Variants in TRIP6 observed in about 807,000 individuals in gnomAD.
The protein encoded by TRIP6 is thyroid hormone receptor interactor 6, also known as thyroid receptor-interacting protein 6.
A neutral mutation model predicts 51.9 loss-of-function variants in TRIP6; 33 were observed. The ratio of observed to expected loss-of-function variants is 0.64; its 90% CI spans 0.48 to 0.85. The LOEUF is 0.85. TRIP6 is among the 40% of genes least tolerant of loss of function. The probability of loss-of-function intolerance (pLI) is 0.00; values close to 1 mark genes in which losing one functional copy is unlikely to be tolerated. For missense variants in TRIP6, 661 were observed against 652.1 expected (o/e 1.01, Z -0.15); for synonymous variants, 255 against 275.8 (o/e 0.92, Z 0.75).
Position 100,867,686 on chromosome 7 carries a change from G to C in TRIP6, c.109+80G>C. On this transcript the variant is annotated intron_variant, in intron 1 of 8. Transcript: ENST00000200457. This position sits in a 1 kb window ranked among gnomAD's most constrained non-coding sequence, Gnocchi z 5.4. ...TCCTACCGCTCCAGCCTCCCGCCCT[G>C]GCTGCTTCCTCCTGCCCCTTCCCCA... 6.4e-7 allele frequency: 1 copy of C among 1,565,492 alleles called. No homozygotes were observed. The highest frequency in any genetic ancestry group is 8.7e-7 in the Non-Finnish European group (1 of 1,151,916).
At position 100,867,389 on chromosome 7, in the gene TRIP6, A is replaced by G. The variant is rs1815158975; in HGVS notation, c.-109A>G. The G allele has an allele frequency of 4.8e-6, 4 of 832,198 alleles. No individual in the cohort carries two copies. In the South Asian group the frequency reaches 8.6e-5, roughly 18 times the overall value. 51.6% of individuals were successfully genotyped at this position (832,198 alleles called of 1,614,324 possible). ...GAGGAAGAGGAAAAAAAAAAGCCAGAAAAAGTTTTCTTTTCTGGAGTCCCA... is the reference window on the plus strand; with the variant it reads ...GAGGAAGAGGAAAAAAAAAAGCCAGGAAAAGTTTTCTTTTCTGGAGTCCCA... On this transcript the variant is annotated 5_prime_UTR_variant, in exon 1 of 9. Transcript: ENST00000200457. This position sits in a 1 kb window ranked among gnomAD's most constrained non-coding sequence, Gnocchi z 5.4.
chr7:100,871,116 C>A (rs1815259861), intron 6 of TRIP6: 1 of 498,564 alleles, frequency 2.0e-6, no homozygotes, highest in Non-Finnish European at 3.9e-6. Flanking sequence ...TCACTGCAAC[C>A]TCAGCCTGCC....
chr7:100,872,013 GTTTTTTT>G (rs71517130), intron 7 of TRIP6, among the ~76,000 whole-genome samples: 12 of 115,242 alleles, frequency 1.0e-4, no homozygotes, highest in African/African-American at 3.9e-4. Context: ...AGTTTTCTTC[GTTTTTTT>G]TTTTTTTTTT....
intron 8 of TRIP6, 22 bp from the exon 9 acceptor site, chr7:100,873,150 A>G (rs1477124016): frequency 1.2e-6 from 2 of 1,602,284 alleles, no homozygotes; most frequent in East Asian, 4.5e-5. Context: ...CGCCCGGCCA[A>G]TTGTTGCTTC....
chr7:100,869,185 C>T (rs904737193), intron 4 of TRIP6, among the ~76,000 whole-genome samples: 2 of 151,442 alleles, frequency 1.3e-5, no homozygotes, highest in Admixed American at 6.6e-5. Context: ...CTCGAACTCC[C>T]GACCTCAGGT....
intron 4 of TRIP6, among the ~76,000 whole-genome samples, 153 bp downstream of exon 4, chr7:100,869,019 C>G (rs955807994): frequency 1.3e-5 from 2 of 152,114 alleles, no homozygotes; most frequent in Non-Finnish European, 2.9e-5. Context: ...GCCATCTTGG[C>G]TCACTGCAAC....
intron 2 of TRIP6, 41 bp from the exon 3 acceptor site, chr7:100,868,067 T>C: frequency 6.2e-7 from 1 of 1,605,692 alleles, no homozygotes; most frequent in Non-Finnish European, 8.5e-7. Context: ...GGAGAAGGCC[T>C]ATGGTGATTT....
intron 4 of TRIP6, 23 bp from the exon 5 acceptor site, chr7:100,870,347 C>T (rs1048751928): frequency 7.5e-6 from 11 of 1,457,214 alleles, no homozygotes; most frequent in African/African-American, 2.6e-5. Flanking sequence ...AGAGTAGGAC[C>T]GAGCCCGATT....
intron 4 of TRIP6, 37 bp downstream of exon 4, chr7:100,868,903 A>G (rs768306579): frequency 6.8e-7 from 1 of 1,463,852 alleles, no homozygotes; most frequent in Non-Finnish European, 9.0e-7. Context: ...GGCCCTACAG[A>G]CAATGGGACA....
rs763141488 is a variant in TRIP6, at chr7:100,871,663, G to A, written c.1120G>A (p.Gly374Ser). ...CGTGGTGTGTCACCGCGGCCTCGAC[G>A]GCATCCCCTTCACAGTGGATGCTAC... ...TCVVCHRGLD[G>S]IPFTVDATSQ... Residue 374 changes from glycine (G) to serine (S), a missense_variant, in exon 7 of 9, where the codon GGC (glycine) becomes AGC (serine). Transcript: ENST00000200457. 1.5e-5 allele frequency: 25 copies of A among 1,613,880 alleles called. No individual in the cohort carries two copies. Among genetic ancestry groups the A allele is most frequent in the Non-Finnish European group, 2.0e-5 (24 of 1,180,034 alleles).
At chr7:100,869,133 G>C (rs1057127485) in intron 4 of TRIP6, among the ~76,000 whole-genome samples, 1 of 151,726 alleles carries the variant, frequency 6.6e-6, no homozygotes, top group Admixed American at 6.6e-5. Flanking sequence ...TTTTAGTACA[G>C]ACGGGGTTTC....
At chr7:100,872,333 T>G (rs1405834581) in intron 7 of TRIP6, among the ~76,000 whole-genome samples, 6 of 151,206 alleles carry the variant, frequency 4.0e-5, no homozygotes, top group Non-Finnish European at 7.4e-5. Context: ...GCACCCAGTC[T>G]TCTTCTTTGT....
chr7:100,873,129 G>C, intron 8 of TRIP6, 43 bp from the exon 9 acceptor site: 2 of 1,595,720 alleles, frequency 1.3e-6, no homozygotes, highest in Non-Finnish European at 1.7e-6. Flanking sequence ...GATTACAGGC[G>C]TGAGCCATCG....
Position 100,871,700 on chromosome 7 carries a change from A to G in TRIP6, c.1157A>G (p.His386Arg), listed in dbSNP as rs778311773. The change falls in exon 7 of 9, where the codon CAC (histidine) becomes CGC (arginine). Residue 386 changes from histidine (H) to arginine (R), a missense_variant. His to Arg is a conservative substitution (Grantham distance 29). Coordinates refer to ENST00000200457, the MANE Select transcript of TRIP6 (RefSeq NM_003302.3). Reference sequence around the variant, plus strand: ...ACAGTGGATGCTACGAGCCAGATCCACTGCATTGAGGACTTTCACAGGTCA... The same window carrying G: ...ACAGTGGATGCTACGAGCCAGATCCGCTGCATTGAGGACTTTCACAGGTCA... The part of the protein sequence containing the change: ...PFTVDATSQI[H>R]CIEDFHRKFA... 2 of 1,613,934 alleles carry G rather than the reference A, an allele frequency of 1.2e-6. No homozygotes were observed. Among genetic ancestry groups the G allele is most frequent in the Non-Finnish European group, 1.7e-6 (2 of 1,180,040 alleles).
intron 6 of TRIP6, 99 bp from the exon 7 acceptor site, chr7:100,871,444 A>T: frequency 2.4e-6 from 3 of 1,275,300 alleles, no homozygotes; most frequent in East Asian, 4.8e-5. Context: ...GGCTGCATGC[A>T]GGAGGCTGCA....
intron 4 of TRIP6, 41 bp from the exon 5 acceptor site, chr7:100,870,329 C>T: frequency 6.4e-7 from 1 of 1,550,790 alleles, no homozygotes; most frequent in Non-Finnish European, 8.7e-7. Flanking sequence ...ATTACAGCAT[C>T]AGGAGCTAGA....
chr7:100,867,729 C>T lies in TRIP6; in HGVS notation c.109+123C>T, dbSNP rs1815172220. 1.2e-5 allele frequency: 18 copies of T among 1,521,588 alleles called. No individual in the cohort carries two copies. The highest frequency in any genetic ancestry group is 1.5e-5 in the Non-Finnish European group (17 of 1,132,060). The allele number at this position is 1,521,588 out of a possible 1,614,324, so 94.3% of individuals were successfully genotyped here. A position where few individuals can be genotyped will look rare whatever the true frequency, so the allele number is the denominator to read the frequency against. Reference sequence around the variant, plus strand: ...CTTCCCCAAGCCGAGGCGGGGGGAACAGCCGCCTGCGCTCTCTTGGGACCC... The same window carrying T: ...CTTCCCCAAGCCGAGGCGGGGGGAATAGCCGCCTGCGCTCTCTTGGGACCC... On this transcript the variant is annotated intron_variant, in intron 1 of 8. Transcript: ENST00000200457. The surrounding 1 kb of genome is among the most constrained non-coding windows in gnomAD (Gnocchi z 5.4).
In TRIP6 at chr7:100,868,535, C is replaced by G. The variant is rs1198331044; in HGVS notation, c.404C>G (p.Ser135Cys). ...CCACCTCCTGCCTACCGCACGGGCT[C>G]CCTGAAGCCAAATCCAGCCTCGCCG... The part of the protein sequence containing the change: ...PPPPPAYRTG[S>C]LKPNPASPLP... Residue 135 changes from serine (S) to cysteine (C), a missense_variant, in exon 4 of 9, where the codon TCC becomes TGC. By Grantham distance (112) the Ser-to-Cys change is moderately radical. Coordinates refer to ENST00000200457, the MANE Select transcript of TRIP6 (RefSeq NM_003302.3). 6.2e-7 allele frequency: 1 copy of G among 1,613,084 alleles called. No individual in the cohort carries two copies. The highest frequency in any genetic ancestry group is 1.3e-5 in the African/African-American group (1 of 75,072).
intron 7 of TRIP6, 109 bp downstream of exon 7, chr7:100,871,830 G>A (rs1024512418): frequency 1.6e-5 from 22 of 1,359,528 alleles, no homozygotes; most frequent in Non-Finnish European, 2.1e-5. Flanking sequence ...GCCCTCCTTC[G>A]TTCTTTGTTA....
Sources: gnomAD v4.1 joint callset for allele counts (sites outside exome capture counted in the v4.1 genomes callset) on GRCh38, gnomAD v4.1.1 for gene constraint, Gnocchi (gnomAD v3.1) non-coding constraint, MANE v1.5 for transcripts, NCBI Gene and HGNC (gene_info 2026-07-23, HGNC 2026-07-21) for gene names.